Variants in CSMD3 observed in about 807,000 individuals in gnomAD.
CSMD3 encodes the protein CUB and Sushi multiple domains 3, also known as CUB and sushi domain-containing protein 3.
Under a neutral mutation model 435.2 loss-of-function variants are expected in CSMD3, and 177 were observed. That is an observed-to-expected ratio of 0.41 (90% CI 0.36 to 0.46). The LOEUF is 0.46. Ranked by LOEUF, CSMD3 falls within the 20% of genes least tolerant of loss-of-function variation. The pLI, the probability that CSMD3 is intolerant of heterozygous loss-of-function variation, is 0.34. For missense variants in CSMD3, 4,265 were observed against 4,504.6 expected (o/e 0.95, Z 1.52); for synonymous variants, 1,656 against 1,520.5 (o/e 1.09, Z -2.07).
intron 42 of CSMD3, among the ~76,000 whole-genome samples, chr8:112,339,478 G>T (rs1040527967): frequency 6.6e-6 from 1 of 151,992 alleles, no homozygotes; most frequent in Admixed American, 6.6e-5. Context: ...CTCCCACACT[G>T]GGAGTGTACT....
intron 13 of CSMD3, among the ~76,000 whole-genome samples, chr8:112,737,432 T>C (rs2077210251): frequency 6.6e-6 from 1 of 151,910 alleles, no homozygotes; most frequent in Admixed American, 6.6e-5. Flanking sequence ...TACAGGTGTT[T>C]GACATTTTAA....
chr8:113,169,118 T>A (rs989780010), intron 4 of CSMD3, among the ~76,000 whole-genome samples: 1 of 152,168 alleles, frequency 6.6e-6, no homozygotes, highest in African/African-American at 2.4e-5. Context: ...AGAAAATTGT[T>A]GATCAAAGTT....
intron 61 of CSMD3, among the ~76,000 whole-genome samples, chr8:112,257,441 T>C (rs1815915060): frequency 6.6e-6 from 1 of 152,112 alleles, no homozygotes; most frequent in South Asian, 2.1e-4. Flanking sequence ...AGTCTCAGGA[T>C]ACAAAATCAA....
rs577816582 is a variant in CSMD3, at chr8:112,270,289, G to C, written c.9509-4699C>G. Among the ~76,000 whole-genome samples the C allele has an allele frequency of 2.3e-4, 35 of 150,678 alleles. 1 individual carries two copies. The South Asian group carries it at 5.4e-3, about 23-fold the overall frequency. ...ATTGAAATGAACAAGGCAAATCACA[G>C]CTGACACATTTCCACATATAATTGA... On this transcript the variant is annotated intron_variant, in intron 59 of 70. Coordinates refer to ENST00000297405, the MANE Select transcript of CSMD3 (RefSeq NM_198123.2).
At chr8:113,071,082 C>G (rs7824314) in intron 5 of CSMD3, among the ~76,000 whole-genome samples, 102,075 of 151,798 alleles carry the variant, frequency 0.67, 35,922 homozygotes, top group East Asian at 0.95. Flanking sequence ...ATGTCGAGTG[C>G]CTTTTCCTAA....
chr8:112,785,804 G>T lies in CSMD3; in HGVS notation c.1972+14358C>A, dbSNP rs74934757. On this transcript the variant is annotated intron_variant, in intron 13 of 70. Transcript: ENST00000297405. Reference sequence around the variant, plus strand: ...TTAAAAGAACAGGAAAAAAAGGAAAGATATATTACATTTATGGATTAGAAT... The same window carrying T: ...TTAAAAGAACAGGAAAAAAAGGAAATATATATTACATTTATGGATTAGAAT... Among the ~76,000 whole-genome samples, 597 of 151,976 alleles carry T rather than the reference G, an allele frequency of 3.9e-3. 2 individuals are homozygous for T. The highest frequency in any genetic ancestry group is 0.01 in the Middle Eastern group (3 of 294).
chr8:112,835,335 G>A (rs553742827), intron 11 of CSMD3, among the ~76,000 whole-genome samples: 3 of 151,810 alleles, frequency 2.0e-5, no homozygotes, highest in East Asian at 3.9e-4. Flanking sequence ...GAAGCCATGC[G>A]GAATTCCCAC....
chr8:113,265,108 C>T (rs150419689), intron 3 of CSMD3, among the ~76,000 whole-genome samples: 46 of 151,550 alleles, frequency 3.0e-4, no homozygotes, highest in African/African-American at 1.1e-3. Context: ...CTGTCAAGTG[C>T]TATAATTTAT....
chr8:112,668,516 T>A (rs188142899), intron 16 of CSMD3, among the ~76,000 whole-genome samples: 2 of 152,264 alleles, frequency 1.3e-5, no homozygotes, highest in African/African-American at 4.8e-5. Context: ...GCATTCCGAC[T>A]AGCCACTCAG....
chr8:112,268,164 T>C (rs1417947200), intron 59 of CSMD3, among the ~76,000 whole-genome samples: 1 of 152,010 alleles, frequency 6.6e-6, no homozygotes, highest in East Asian at 1.9e-4. Flanking sequence ...TTCTTAAGAG[T>C]CTCATCTAGT....
At chr8:112,936,364 T>C (rs1179541028) in intron 9 of CSMD3, among the ~76,000 whole-genome samples, 6 of 152,080 alleles carry the variant, frequency 3.9e-5, no homozygotes, top group East Asian at 1.9e-4. Flanking sequence ...CTTCACTTTG[T>C]CCAAGTCACA....
chr8:112,241,199 AG>A (rs1814100444), intron 66 of CSMD3, among the ~76,000 whole-genome samples: 1 of 152,010 alleles, frequency 6.6e-6, no homozygotes, highest in South Asian at 2.1e-4. Context: ...AATTTTTCCA[AG>A]GTCACAAGTC....
rs1437261459 is a variant in CSMD3, at chr8:112,636,894, C to A, written c.3638G>T (p.Arg1213Leu). 5.6e-6 allele frequency: 9 copies of A among 1,613,370 alleles called. No homozygotes were observed. Among genetic ancestry groups the A allele is most frequent in the Non-Finnish European group, 7.6e-6 (9 of 1,179,724 alleles). Residue 1213 changes from arginine (R) to leucine (L), a missense_variant, in exon 22 of 71, where the codon CGA (arginine) becomes CTA (leucine). Coordinates refer to ENST00000297405, the MANE Select transcript of CSMD3 (RefSeq NM_198123.2). ...TLTFSCSSGY[R>L]LEGTSEIICL... Reference sequence around the variant, plus strand: ...GATGATCTCTGATGTTCCTTCCAGTCGATAACCCGAAGAGCATGAGAAGGT... The same window carrying A: ...GATGATCTCTGATGTTCCTTCCAGTAGATAACCCGAAGAGCATGAGAAGGT...
intron 2 of CSMD3, among the ~76,000 whole-genome samples, chr8:113,282,097 T>C (rs2093616832): frequency 1.3e-5 from 2 of 152,044 alleles, no homozygotes; most frequent in South Asian, 2.1e-4. Context: ...AAGCCATCTA[T>C]GACAAACCCA....
At chr8:113,371,208 C>T (rs1208941494) in intron 1 of CSMD3, among the ~76,000 whole-genome samples, 1 of 151,908 alleles carries the variant, frequency 6.6e-6, no homozygotes. Flanking sequence ...AGTCGTATTA[C>T]TTAACTACTT....
chr8:112,777,271 G>A (rs940685084), intron 13 of CSMD3, among the ~76,000 whole-genome samples: 6 of 151,744 alleles, frequency 4.0e-5, no homozygotes, highest in South Asian at 2.1e-4. Context: ...CACAAACCAC[G>A]GAAAGAAAAG....
At chr8:112,410,182 T>C (rs1471888416) in intron 32 of CSMD3, among the ~76,000 whole-genome samples, 1 of 151,806 alleles carries the variant, frequency 6.6e-6, no homozygotes, top group Non-Finnish European at 1.5e-5. Context: ...CTATATGTAG[T>C]TTTTAGGCCT....
At chr8:113,240,520 A>G (rs573835379) in intron 3 of CSMD3, among the ~76,000 whole-genome samples, 50 of 152,210 alleles carry the variant, frequency 3.3e-4, no homozygotes, top group African/African-American at 1.1e-3. Context: ...CTAGGCTAAG[A>G]TTGGTTATAG....
intron 13 of CSMD3, among the ~76,000 whole-genome samples, chr8:112,713,787 G>A (rs560793090): frequency 2.5e-4 from 38 of 152,134 alleles, no homozygotes; most frequent in Non-Finnish European, 5.2e-4. Flanking sequence ...TTAAAAGAAA[G>A]GAATTTTCAA....
Sources: gnomAD v4.1 joint callset for allele counts (sites outside exome capture counted in the v4.1 genomes callset) on GRCh38, gnomAD v4.1.1 for gene constraint, MANE v1.5 for transcripts, NCBI Gene and HGNC (gene_info 2026-07-23, HGNC 2026-07-21) for gene names.